The following RIPOR3 variants were observed in gnomAD, a reference collection of about 807,000 sequenced individuals.
The protein encoded by RIPOR3 is family with sequence similarity 65 member C.
In RIPOR3, 95 loss-of-function variants were observed where a neutral mutation model predicts 114.3. The observed-to-expected ratio is 0.83, with a 90% CI of 0.70 to 0.99. RIPOR3 has a LOEUF of 0.99. Ranked by LOEUF, RIPOR3 falls within the 50% of genes least tolerant of loss-of-function variation. RIPOR3 has a pLI of 0.00. For synonymous variants in RIPOR3, 575 were observed against 543.8 expected (o/e 1.06, Z -0.80); for missense variants, 1,252 against 1,266.9 (o/e 0.99, Z 0.18).
chr20:50,599,114 G>T (rs2083404022), intron 13 of RIPOR3, among the ~76,000 whole-genome samples: 1 of 152,090 alleles, frequency 6.6e-6, no homozygotes, highest in Non-Finnish European at 1.5e-5. Context: ...ATTGTTGGCT[G>T]GGTGTGGTGG....
intron 3 of RIPOR3, 99 bp from the exon 4 acceptor site, chr20:50,616,179 G>C: frequency 8.9e-7 from 1 of 1,120,208 alleles, no homozygotes; most frequent in East Asian, 2.6e-5. Context: ...GAGCAGACAC[G>C]GGGCTCAGCG....
chr20:50,601,231 T>G (rs923969669), intron 13 of RIPOR3, among the ~76,000 whole-genome samples: 7 of 152,090 alleles, frequency 4.6e-5, no homozygotes, highest in Admixed American at 3.3e-4. Context: ...GTCAGGAGTT[T>G]GAGACCAGCC....
Position 50,593,191 on chromosome 20 carries a change from G to A in RIPOR3, c.2218C>T (p.Arg740Cys), listed in dbSNP as rs372814425. The A allele has an allele frequency of 4.5e-5, 72 of 1,611,860 alleles. No individual in the cohort carries two copies. The highest frequency in any genetic ancestry group is 3.3e-4 in the South Asian group (30 of 91,050). ...KYPGQLEIAC[R>C]RLLEQVVSCG... ...CTGACCACCTGCTCCAGGAGCCTGC[G>A]GCACGCTGGCCAAAGGGGAGAGTAC... The change falls in exon 18 of 22, where the codon CGC becomes TGC. Residue 740 changes from arginine (R) to cysteine (C), a missense_variant. Arg to Cys is a radical substitution (Grantham distance 180, BLOSUM62 -3). Coordinates refer to ENST00000327979, the MANE Select transcript of RIPOR3 (RefSeq NM_001290268.2).
intron 2 of RIPOR3, among the ~76,000 whole-genome samples, chr20:50,628,664 A>G (rs1432517068): frequency 1.3e-5 from 2 of 151,932 alleles, no homozygotes; most frequent in African/African-American, 2.4e-5. Context: ...TGTCTCAATT[A>G]TCACTGGCTT....
intron 1 of RIPOR3, among the ~76,000 whole-genome samples, chr20:50,657,322 T>G (rs1295481419): frequency 6.6e-6 from 1 of 152,098 alleles, no homozygotes; most frequent in Non-Finnish European, 1.5e-5. Flanking sequence ...AGGTCAGGAG[T>G]TCGAGACCAG....
intron 2 of RIPOR3, among the ~76,000 whole-genome samples, chr20:50,620,453 C>A (rs908985077): frequency 6.6e-6 from 1 of 151,928 alleles, no homozygotes; most frequent in Non-Finnish European, 1.5e-5. Flanking sequence ...ATGGCGAAAC[C>A]CTGTCTCTAC....
chr20:50,677,470 C>T (rs1336338670), intron 1 of RIPOR3, among the ~76,000 whole-genome samples: 7 of 148,558 alleles, frequency 4.7e-5, no homozygotes, highest in African/African-American at 1.2e-4. Context: ...CTCCCGGGTT[C>T]GAGCGATTCT....
intron 1 of RIPOR3, among the ~76,000 whole-genome samples, chr20:50,686,315 C>T (rs922134512): frequency 3.3e-5 from 5 of 152,176 alleles, no homozygotes; most frequent in Non-Finnish European, 5.9e-5. Flanking sequence ...CTCGGCCTCC[C>T]AGAGTGCTGG....
intron 2 of RIPOR3, among the ~76,000 whole-genome samples, chr20:50,628,431 C>T (rs1021948562): frequency 6.6e-6 from 1 of 152,128 alleles, no homozygotes; most frequent in Non-Finnish European, 1.5e-5. Flanking sequence ...TGCTTTCTGT[C>T]CCTTAAAGCT....
At chr20:50,599,608 A>G (rs1205575058) in intron 13 of RIPOR3, among the ~76,000 whole-genome samples, 1 of 151,990 alleles carries the variant, frequency 6.6e-6, no homozygotes, top group African/African-American at 2.4e-5. Flanking sequence ...AAGCACAAAA[A>G]CTTGAAAAAC....
chr20:50,627,963 G>A (rs1168460305), intron 2 of RIPOR3, among the ~76,000 whole-genome samples: 1 of 152,198 alleles, frequency 6.6e-6, no homozygotes, highest in Non-Finnish European at 1.5e-5. Context: ...CCACTCCAGG[G>A]CACACAGCTG....
chr20:50,596,383 A>G lies in RIPOR3; in HGVS notation c.1791-120T>C, dbSNP rs181547850. ...AGGAGGCCCACTCCAGGTCCCAGGA[A>G]GTTCAACTGAAGAGGAAGGGGAAAG... On this transcript the variant is annotated intron_variant, in intron 14 of 21. Coordinates refer to ENST00000327979, the MANE Select transcript of RIPOR3 (RefSeq NM_001290268.2). 25 of 1,395,536 alleles carry G rather than the reference A, an allele frequency of 1.8e-5. No individual in the cohort carries two copies. In the East Asian group the frequency reaches 5.1e-4, roughly 28 times the overall value. 86.4% of individuals were successfully genotyped at this position (1,395,536 alleles called of 1,614,324 possible).
At chr20:50,629,524 C>T (rs1277705470) in intron 2 of RIPOR3, among the ~76,000 whole-genome samples, 1 of 152,210 alleles carries the variant, frequency 6.6e-6, no homozygotes, top group African/African-American at 2.4e-5. Context: ...GACTTAGTAC[C>T]TAAAGCCGGA....
In RIPOR3 at chr20:50,599,837, A is replaced by G. The variant is rs192836852; in HGVS notation, c.1660-2127T>C. Among the ~76,000 whole-genome samples, 6 of 152,284 alleles carry G rather than the reference A, an allele frequency of 3.9e-5. No homozygotes were observed. In the East Asian group the frequency reaches 5.8e-4, roughly 15 times the overall value. On this transcript the variant is annotated intron_variant, in intron 13 of 21. Coordinates refer to ENST00000327979, the MANE Select transcript of RIPOR3 (RefSeq NM_001290268.2). ...AGCAAGTAAGTAAATTCCAAAATGC[A>G]GAATCCACAAATAATGAGGATAAAT...
intron 2 of RIPOR3, among the ~76,000 whole-genome samples, chr20:50,628,868 G>A (rs1000977449): frequency 6.6e-6 from 1 of 152,216 alleles, no homozygotes; most frequent in African/African-American, 2.4e-5. Context: ...AGCCCCCAGG[G>A]AAAGGTTAGT....
At chr20:50,638,039 T>C (rs1489645294) in intron 1 of RIPOR3, among the ~76,000 whole-genome samples, 1 of 151,928 alleles carries the variant, frequency 6.6e-6, no homozygotes, top group Non-Finnish European at 1.5e-5. Flanking sequence ...AAAGAGCATA[T>C]TTAAATGAAA....
chr20:50,588,530 A>G (rs1186419765), intron 20 of RIPOR3, among the ~76,000 whole-genome samples: 1 of 152,216 alleles, frequency 6.6e-6, no homozygotes, highest in Non-Finnish European at 1.5e-5. Context: ...GGGTTGTATC[A>G]AGAGTCTCAA....
chr20:50,635,713 G>C (rs1340883522), intron 1 of RIPOR3, among the ~76,000 whole-genome samples: 1 of 152,154 alleles, frequency 6.6e-6, no homozygotes, highest in African/African-American at 2.4e-5. Flanking sequence ...GAAGGAAACC[G>C]AGGCTCAGAG....
rs1286460463 is a variant in RIPOR3 at position 50,666,228 on chromosome 20, T to TTTC, written c.3+24897_3+24898insGAA. Among the ~76,000 whole-genome samples the TTTC allele has an allele frequency of 7.0e-5, 9 of 128,320 alleles. 1 individual carries two copies. The highest frequency in any genetic ancestry group is 4.4e-4 in the East Asian group (2 of 4,594). The allele number at this position is 128,320 out of a possible 152,430, so 84.2% of individuals were successfully genotyped here. Reference sequence around the variant, plus strand: ...TTTTCTTTTCTTTTCTTTTCTTTTTTGAGACGGAGTCACGCTCTGTTGCCC... The same window carrying TTTC: ...TTTTCTTTTCTTTTCTTTTCTTTTTTTTCGAGACGGAGTCACGCTCTGTTGCCC... On this transcript the variant is annotated intron_variant, in intron 1 of 21. Coordinates refer to ENST00000327979, the MANE Select transcript of RIPOR3 (RefSeq NM_001290268.2).
Sources: gnomAD v4.1 joint callset for allele counts (sites outside exome capture counted in the v4.1 genomes callset) on GRCh38, gnomAD v4.1.1 for gene constraint, MANE v1.5 for transcripts, NCBI Gene and HGNC (gene_info 2026-07-23, HGNC 2026-07-21) for gene names.